Variants in TRPC6 observed in about 807,000 individuals in gnomAD.
The protein encoded by TRPC6 is transient receptor potential cation channel subfamily C member 6.
A neutral mutation model predicts 90.7 loss-of-function variants in TRPC6; 55 were observed. The observed-to-expected ratio is 0.61, with a 90% CI of 0.49 to 0.76. The LOEUF (loss-of-function observed/expected upper bound fraction) is 0.76, where lower values mean the gene tolerates loss of function less well. Ranked by LOEUF, TRPC6 falls within the 30% of genes least tolerant of loss-of-function variation. The probability of loss-of-function intolerance (pLI) is 0.00; values close to 1 mark genes in which losing one functional copy is unlikely to be tolerated. For synonymous variants in TRPC6, 393 were observed against 393.0 expected, an observed-to-expected ratio of 1.00 and a Z score of 0.00; for missense variants, 989 against 1,122.7, an observed-to-expected ratio of 0.88 and a Z score of 1.70.
Position 101,504,026 on chromosome 11 carries a change from T to C in TRPC6, c.943A>G (p.Lys315Glu). 6.2e-7 allele frequency: 1 copy of C among 1,614,058 alleles called. No individual in the cohort carries two copies. Among genetic ancestry groups the C allele is most frequent in the Non-Finnish European group, 8.5e-7 (1 of 1,179,948 alleles). ...AGTCTCTATTGTTAGTGACCTACCT[T>C]GAACTCTTTCTCAATATTGGCCAGA... ...AVLANIEKEF[K>E]NDYKKLSMQC... Residue 315 changes from lysine to glutamate, a missense_variant and splice_region_variant, in exon 2 of 13, where the codon AAG becomes GAG. Physicochemically the swap from Lys to Glu is moderately conservative, Grantham distance 56. Around this residue, in one of 4 missense-constraint regions of TRPC6, gnomAD observed 486 missense variants for 591.9 expected, o/e 0.82. Coordinates refer to ENST00000344327, the MANE Select transcript of TRPC6 (RefSeq NM_004621.6).
intron 1 of TRPC6, among the ~76,000 whole-genome samples, chr11:101,561,931 A>G (rs1861723844): frequency 6.6e-6 from 1 of 151,908 alleles, no homozygotes; most frequent in African/African-American, 2.4e-5. Flanking sequence ...AATGCTTTTA[A>G]AAGTAAATCA....
chr11:101,528,340 G>A (rs1860830295), intron 1 of TRPC6, among the ~76,000 whole-genome samples: 1 of 152,140 alleles, frequency 6.6e-6, no homozygotes, highest in African/African-American at 2.4e-5. Context: ...AATACGGGAA[G>A]AGTTTTCAAT....
chr11:101,551,408 T>C (rs1219557326), intron 1 of TRPC6, among the ~76,000 whole-genome samples: 1 of 152,002 alleles, frequency 6.6e-6, no homozygotes, highest in Admixed American at 6.6e-5. Context: ...GGCCAAAAAA[T>C]ACATCAGATT....
rs571136948 is a variant in TRPC6, at chr11:101,525,828, G to C, written c.171-21030C>G. 3.3e-5 allele frequency among the ~76,000 whole-genome samples: 5 copies of C among 152,324 alleles called. No homozygotes were observed. The East Asian group carries it at 9.7e-4, about 29-fold the overall frequency. ...ATCATATTTGAAGTTGAGAGGATCA[G>C]GGTCAGGAAGCAGGATGACCAGGCA... On this transcript the variant is annotated intron_variant, in intron 1 of 12. Transcript: ENST00000344327.
intron 2 of TRPC6, among the ~76,000 whole-genome samples, chr11:101,499,178 T>C (rs1443381999): frequency 2.6e-5 from 4 of 152,202 alleles, no homozygotes; most frequent in African/African-American, 9.6e-5. Context: ...TGCTTTGTCA[T>C]GTATTGAAAT....
intron 6 of TRPC6, among the ~76,000 whole-genome samples, chr11:101,474,923 C>G (rs1394661262): frequency 6.6e-6 from 1 of 152,192 alleles, no homozygotes; most frequent in African/African-American, 2.4e-5. Flanking sequence ...ATTACCTTCT[C>G]TCTCTTGGGA....
intron 1 of TRPC6, among the ~76,000 whole-genome samples, chr11:101,556,618 C>T (rs1306233511): frequency 6.6e-6 from 1 of 152,114 alleles, no homozygotes; most frequent in Non-Finnish European, 1.5e-5. Flanking sequence ...CTGAATTCTA[C>T]CAGACATTTA....
chr11:101,554,765 A>G (rs138595046), intron 1 of TRPC6, among the ~76,000 whole-genome samples: 361 of 152,374 alleles, frequency 2.4e-3, no homozygotes, highest in African/African-American at 8.2e-3. Flanking sequence ...AAGTTATTGT[A>G]AACTCCAGCC....
intron 3 of TRPC6, 49 bp downstream of exon 3, chr11:101,491,507 C>G: frequency 1.2e-6 from 2 of 1,601,010 alleles, no homozygotes; most frequent in Non-Finnish European, 1.7e-6. Context: ...CCTTATTTAG[C>G]ACCAACAAGA....
At chr11:101,485,193 C>A in intron 4 of TRPC6, among the ~76,000 whole-genome samples, 1 of 150,174 alleles carries the variant, frequency 6.7e-6, no homozygotes, top group South Asian at 2.1e-4. Flanking sequence ...AATTGCAGAG[C>A]CAATCCAAAG....
At chr11:101,568,221 A>G (rs1317585471) in intron 1 of TRPC6, among the ~76,000 whole-genome samples, 1 of 152,238 alleles carries the variant, frequency 6.6e-6, no homozygotes, top group Non-Finnish European at 1.5e-5. Flanking sequence ...TTCGTGAAGC[A>G]TGCACAAGTA....
At chr11:101,516,316 T>TG (rs1860520964) in intron 1 of TRPC6, among the ~76,000 whole-genome samples, 1 of 152,154 alleles carries the variant, frequency 6.6e-6, no homozygotes, top group South Asian at 2.1e-4. Context: ...TTTTTTATTA[T>TG]TGTGACGCAC....
chr11:101,490,513 A>C (rs1454938948), intron 3 of TRPC6, among the ~76,000 whole-genome samples: 1 of 152,204 alleles, frequency 6.6e-6, no homozygotes, highest in Non-Finnish European at 1.5e-5. Context: ...CCTGGAGTGC[A>C]GGAAATGATC....
chr11:101,492,082 G>A (rs184192047), intron 2 of TRPC6, among the ~76,000 whole-genome samples: 2,004 of 151,702 alleles, frequency 0.013, 18 homozygotes, highest in Non-Finnish European at 0.022. Context: ...CTCATGATCC[G>A]CCCGCCTCGG....
Position 101,491,632 on chromosome 11 carries a change from TCAA to T in TRPC6, c.1049_1051del (p.Val350del). On this transcript the variant is annotated inframe_deletion, in exon 3 of 13. Transcript: ENST00000344327. Reference sequence around the variant, plus strand: ...ACCGTGATCACCACTCTGGAGCGTTTCAACATCCCCATTCAGAATGGCCTCGAC... The same window carrying T: ...ACCGTGATCACCACTCTGGAGCGTTTCATCCCCATTCAGAATGGCCTCGAC... The T allele has an allele frequency of 6.2e-7, 1 of 1,614,038 alleles. No individual in the cohort carries two copies. Among genetic ancestry groups the T allele is most frequent in the Non-Finnish European group, 8.5e-7 (1 of 1,180,014 alleles).
intron 1 of TRPC6, among the ~76,000 whole-genome samples, chr11:101,527,995 C>T (rs1212679451): frequency 5.9e-5 from 9 of 152,060 alleles, no homozygotes; most frequent in African/African-American, 2.2e-4. Context: ...ATCGCTTGAA[C>T]CCGGGAGGCA....
chr11:101,533,271 C>T (rs1162201643), intron 1 of TRPC6, among the ~76,000 whole-genome samples: 7 of 152,122 alleles, frequency 4.6e-5, no homozygotes, highest in South Asian at 2.1e-4. Context: ...GTGGCATCTA[C>T]CTCTGGGGAG....
chr11:101,455,275 G>A, intron 10 of TRPC6, 174 bp from the exon 11 acceptor site: 1 of 589,098 alleles, frequency 1.7e-6, no homozygotes, highest in Non-Finnish European at 3.0e-6. Context: ...TGACATTTTA[G>A]GTGTGTTCAG....
At chr11:101,499,622 C>CACACAATATAAAATATGTATATATATAT (rs1860043261) in intron 2 of TRPC6, among the ~76,000 whole-genome samples, 1 of 67,654 alleles carries the variant, frequency 1.5e-5, no homozygotes, top group Non-Finnish European at 3.0e-5. Flanking sequence ...TATATATACA[C>CACACAATATAAAATATGTATATATATAT]ACACAATATA....
Sources: allele counts gnomAD v4.1 joint callset (sites outside exome capture counted in the v4.1 genomes callset), GRCh38; gene constraint gnomAD v4.1.1; regional missense constraint gnomAD v4.1.1; transcripts MANE v1.5; gene names NCBI Gene and HGNC (gene_info 2026-07-23, HGNC 2026-07-21).